Variants in SLFNL1 observed in about 807,000 individuals in gnomAD.
SLFNL1 encodes schlafen-like protein 1.
SLFNL1 carries 26 observed loss-of-function variants against 32.5 expected under a neutral mutation model. The observed-to-expected ratio is 0.80, with a 90% confidence interval of 0.59 to 1.11. SLFNL1 has a LOEUF of 1.11. Ranked by LOEUF, SLFNL1 falls within the 50% of genes least tolerant of loss-of-function variation. SLFNL1 has a pLI of 0.00. For missense variants in SLFNL1, 553 were observed against 546.5 expected (o/e 1.01, Z -0.12); for synonymous variants, 255 against 242.2 (o/e 1.05, Z -0.49).
rs755988937 is a variant in SLFNL1 at position 41,017,300 on chromosome 1, A to G, written c.1035T>C (p.Phe345=). ...CCTGGATGCTCCCGTCGCGCCGCAG[A>G]AACACCTCCCCCTGGTCTGTCTGGT... is the stretch of plus-strand genomic sequence containing the variant. ...QLYQTDQGEV[F]LRRDGSIQGP... is the part of the protein sequence containing the mutation. Residue 345 remains phenylalanine, a synonymous_variant, in exon 5 of 6, where the codon TTT becomes TTC. Transcript: ENST00000302946. This position sits in a 1 kb window ranked among gnomAD's most constrained non-coding sequence, Gnocchi z 4.9. 4.3e-6 allele frequency: 7 copies of G among 1,613,512 alleles called. No individual in the cohort carries two copies. Among genetic ancestry groups the G allele is most frequent in the Admixed American group, 1.7e-5 (1 of 59,986 alleles).
At position 41,021,605 on chromosome 1, in the gene SLFNL1, A is replaced by G. The variant is rs1417492345; in HGVS notation, c.-126+18T>C. The G allele has an allele frequency of 6.6e-6, 1 of 152,358 alleles. No homozygotes were observed. Among genetic ancestry groups the G allele is most frequent in the African/African-American group, 2.4e-5 (1 of 41,434 alleles). The allele number at this position is 152,358 out of a possible 1,614,324, so 9.4% of individuals were successfully genotyped here. On this transcript the variant is annotated intron_variant, in intron 1 of 5. Coordinates refer to ENST00000302946, the MANE Select transcript of SLFNL1 (RefSeq NM_144990.4). ...ATTCAGGTCAAACAGGAAGAGGAGG[A>G]GAGGAGAGGCCTATGACCTTCATGT... is the stretch of plus-strand genomic sequence containing the variant.
In SLFNL1 at chr1:41,017,193, C is replaced by T. The variant is rs970012374; in HGVS notation, c.1101+41G>A. On this transcript the variant is annotated intron_variant, in intron 5 of 5. Transcript: ENST00000302946. The surrounding 1 kb of genome is among the most constrained non-coding windows in gnomAD (Gnocchi z 4.9). The stretch of plus-strand genomic sequence containing the variant: ...GTGGGTGGCTGAAGGGGTCTGGGGT[C>T]AGCTCCGCTCCACCCCACCCACTGG... 2.6e-6 allele frequency: 4 copies of T among 1,519,526 alleles called. No homozygotes were observed. The African/African-American group carries it at 5.5e-5, about 21-fold the overall frequency. 94.1% of individuals were successfully genotyped at this position (1,519,526 alleles called of 1,614,324 possible).
chr1:41,018,996 C>T lies in SLFNL1; in HGVS notation c.436-840G>A, dbSNP rs539316637. Among the ~76,000 whole-genome samples, 72 of 151,976 alleles carry T rather than the reference C, an allele frequency of 4.7e-4. 1 individual carries two copies. The South Asian group carries it at 7.1e-3, about 15-fold the overall frequency. ...CTGGGATTACAGGGGCCCGCCACCA[C>T]GCCCGGCTAATTTTTTTGTATTTTT... On this transcript the variant is annotated intron_variant, in intron 3 of 5. Coordinates refer to ENST00000302946, the MANE Select transcript of SLFNL1 (RefSeq NM_144990.4).
Position 41,017,604 on chromosome 1 carries a change from G to A in SLFNL1, c.957+31C>T, listed in dbSNP as rs1458802108. 6.6e-7 allele frequency: 1 copy of A among 1,513,384 alleles called. No homozygotes were observed. The highest frequency in any genetic ancestry group is 2.3e-5 in the East Asian group (1 of 43,842). 93.7% of individuals were successfully genotyped at this position (1,513,384 alleles called of 1,614,324 possible). On this transcript the variant is annotated intron_variant, in intron 4 of 5. Coordinates refer to ENST00000302946, the MANE Select transcript of SLFNL1 (RefSeq NM_144990.4). This position sits in a 1 kb window ranked among gnomAD's most constrained non-coding sequence, Gnocchi z 4.9. ...CTTACTGAGTGATGACAGATGACAG[G>A]CCCAGAGGCCCTCCTGTCCTGCAGG...
At chr1:41,020,824 GGGA>G (rs1643778531) in intron 2 of SLFNL1, 37 bp downstream of exon 2, 2 of 657,268 alleles carry the variant, frequency 3.0e-6, no homozygotes, top group Admixed American at 2.9e-5. Context: ...GCCAGAGAGA[GGGA>G]GGGCAGAGGG....
At chr1:41,019,573 A>G (rs1643661723) in intron 3 of SLFNL1, among the ~76,000 whole-genome samples, 1 of 152,172 alleles carries the variant, frequency 6.6e-6, no homozygotes, top group Non-Finnish European at 1.5e-5. Context: ...GCCCTTCTGC[A>G]GACATGACAC....
At position 41,018,096 on chromosome 1, in the gene SLFNL1, C is replaced by CA; in HGVS notation, c.495dup (p.Val166CysfsTer13). On this transcript the variant is annotated frameshift_variant, in exon 4 of 6. Coordinates refer to ENST00000302946, the MANE Select transcript of SLFNL1 (RefSeq NM_144990.4). LOFTEE classifies it high-confidence loss of function. ...TGTGTAGGCCAGGTGGGCAGCGGGA[C>CA]ACCAGAGCCTGGACTGGGGCCAGGG... The CA allele has an allele frequency of 6.4e-7, 1 of 1,550,438 alleles. No individual in the cohort carries two copies. Among genetic ancestry groups the CA allele is most frequent in the South Asian group, 1.2e-5 (1 of 85,356 alleles).
chr1:41,020,232 G>A lies in SLFNL1; in HGVS notation c.429C>T (p.His143=), dbSNP rs375319406. 2 of 1,589,442 alleles carry A rather than the reference G, an allele frequency of 1.3e-6. No homozygotes were observed. The highest frequency in any genetic ancestry group is 1.3e-5 in the African/African-American group (1 of 74,388). Residue 143 remains histidine, a synonymous_variant, in exon 3 of 6, where the codon CAC becomes CAT. Coordinates refer to ENST00000302946, the MANE Select transcript of SLFNL1 (RefSeq NM_144990.4). Reference sequence around the variant, plus strand: ...TGGGAAAAGTCCCACTTACCTCTCTGTGGCTGAAGGGCCCTTGGGCCTCAC... The same window carrying A: ...TGGGAAAAGTCCCACTTACCTCTCTATGGCTGAAGGGCCCTTGGGCCTCAC... ...LLSEAQGPFS[H]REEKEEEEED... is the part of the protein sequence containing the mutation.
Position 41,017,795 on chromosome 1 carries a change from C to A in SLFNL1, c.797G>T (p.Gly266Val). 6.2e-7 allele frequency: 1 copy of A among 1,603,230 alleles called. No homozygotes were observed. The highest frequency in any genetic ancestry group is 8.5e-7 in the Non-Finnish European group (1 of 1,172,756). Residue 266 changes from glycine to valine, a missense_variant, in exon 4 of 6, where the codon GGC (glycine) becomes GTC (valine). Physicochemically the swap from Gly to Val is moderately radical, Grantham distance 109 (BLOSUM62 -3). Coordinates refer to ENST00000302946, the MANE Select transcript of SLFNL1 (RefSeq NM_144990.4). This position sits in a 1 kb window ranked among gnomAD's most constrained non-coding sequence, Gnocchi z 4.9. ...GCTGCAGCGGATGCCCTGCACCAGG[C>A]CGCTGTCCTCTACTCCCACGAGCAG... is the stretch of plus-strand genomic sequence containing the variant. ...GSLLVGVEDSGLVQGIRCSHR... is the reference protein window; with the variant it reads ...GSLLVGVEDSVLVQGIRCSHR...
chr1:41,016,674 A>C, intron 5 of SLFNL1: 1 of 160,614 alleles, frequency 6.2e-6, no homozygotes, highest in Non-Finnish European at 1.3e-5. Flanking sequence ...GTAGAGGGTG[A>C]GGGGTTTCAG....
Position 41,020,473 on chromosome 1 carries a change from A to G in SLFNL1, c.188T>C (p.Leu63Pro), listed in dbSNP as rs1643750805. 5.0e-6 allele frequency: 8 copies of G among 1,613,458 alleles called. No homozygotes were observed. Among genetic ancestry groups the G allele is most frequent in the Non-Finnish European group, 5.9e-6 (7 of 1,180,026 alleles). The change falls in exon 3 of 6, where the codon CTT (leucine) becomes CCT (proline). Residue 63 changes from leucine to proline, a missense_variant. Coordinates refer to ENST00000302946, the MANE Select transcript of SLFNL1 (RefSeq NM_144990.4). ...HLNPQFSVPVLACLLRDTLER... is the reference protein window; with the variant it reads ...HLNPQFSVPVPACLLRDTLER... ...CAGGGTGTCTCGCAGCAGGCAGGCAAGCACCGGCACTGAGAACTGGGGGTT... is the reference window on the plus strand; with the variant it reads ...CAGGGTGTCTCGCAGCAGGCAGGCAGGCACCGGCACTGAGAACTGGGGGTT...
At chr1:41,018,488 ACT>A in intron 3 of SLFNL1, 1 of 250,698 alleles carries the variant, frequency 4.0e-6, no homozygotes, top group Non-Finnish European at 7.6e-6. Flanking sequence ...ATTTTTTCTT[ACT>A]TGGGTTGCAG....
chr1:41,019,414 C>T (rs938737336), intron 3 of SLFNL1, among the ~76,000 whole-genome samples: 2 of 152,168 alleles, frequency 1.3e-5, no homozygotes, highest in Non-Finnish European at 2.9e-5. Flanking sequence ...ATCCTAACGT[C>T]CCATGTCCCA....
Position 41,017,296 on chromosome 1 carries a change from G to A in SLFNL1, c.1039C>T (p.Arg347Trp), listed in dbSNP as rs376943065. 1.1e-5 allele frequency: 18 copies of A among 1,612,816 alleles called. No homozygotes were observed. Among genetic ancestry groups the A allele is most frequent in the Admixed American group, 1.7e-5 (1 of 59,928 alleles). The change falls in exon 5 of 6, where the codon CGG becomes TGG. Residue 347 changes from arginine to tryptophan, a missense_variant. Coordinates refer to ENST00000302946, the MANE Select transcript of SLFNL1 (RefSeq NM_144990.4). The surrounding 1 kb of genome is among the most constrained non-coding windows in gnomAD (Gnocchi z 4.9). ...YQTDQGEVFL[R>W]RDGSIQGPLS... is the part of the protein sequence containing the mutation. Reference sequence around the variant, plus strand: ...GGGCCCTGGATGCTCCCGTCGCGCCGCAGAAACACCTCCCCCTGGTCTGTC... The same window carrying A: ...GGGCCCTGGATGCTCCCGTCGCGCCACAGAAACACCTCCCCCTGGTCTGTC...
chr1:41,018,263 C>G, intron 3 of SLFNL1, 107 bp from the exon 4 acceptor site: 2 of 1,188,188 alleles, frequency 1.7e-6, no homozygotes, highest in South Asian at 3.5e-5. Context: ...TGCAGCCTGA[C>G]TCTTACGGAC....
Position 41,017,071 on chromosome 1 carries a change from G to A in SLFNL1, c.1101+163C>T, listed in dbSNP as rs1397932156. On this transcript the variant is annotated intron_variant, in intron 5 of 5. Coordinates refer to ENST00000302946, the MANE Select transcript of SLFNL1 (RefSeq NM_144990.4). This position sits in a 1 kb window ranked among gnomAD's most constrained non-coding sequence, Gnocchi z 4.9. ...TCCTTCCCACCAGCCACCTACCCGC[G>A]GAGTATGGGATGTGGTGTGATTGTA... 7.2e-5 allele frequency: 58 copies of A among 811,038 alleles called. No homozygotes were observed. Among genetic ancestry groups the A allele is most frequent in the East Asian group, 2.3e-4 (8 of 34,258 alleles). The allele number at this position is 811,038 out of a possible 1,614,324, so 50.2% of individuals were successfully genotyped here.
intron 3 of SLFNL1, 25 bp from the exon 4 acceptor site, chr1:41,018,181 G>A (rs1643511225): frequency 2.1e-6 from 3 of 1,446,930 alleles, no homozygotes; most frequent in Admixed American, 5.3e-5. Flanking sequence ...AAGAATGAAT[G>A]TATGGGTCCA....
intron 3 of SLFNL1, among the ~76,000 whole-genome samples, chr1:41,018,596 T>C (rs1334476731): frequency 1.3e-5 from 2 of 152,152 alleles, no homozygotes; most frequent in African/African-American, 4.8e-5. Flanking sequence ...GACTCCCAGG[T>C]ACCCCACCCA....
intron 3 of SLFNL1, among the ~76,000 whole-genome samples, 160 bp downstream of exon 3, chr1:41,020,066 G>A (rs1332483466): frequency 1.3e-5 from 2 of 152,220 alleles, no homozygotes; most frequent in African/African-American, 2.4e-5. Flanking sequence ...GGCAGTACCA[G>A]CCGCAAGCCA....
Sources: allele counts gnomAD v4.1 joint callset (sites outside exome capture counted in the v4.1 genomes callset), GRCh38; gene constraint gnomAD v4.1.1; non-coding constraint Gnocchi (gnomAD v3.1); transcripts MANE v1.5; gene names NCBI Gene and HGNC (gene_info 2026-07-23, HGNC 2026-07-21).